Variants in FBXL17 observed in about 807,000 individuals in gnomAD.
FBXL17 encodes the protein F-box/LRR-repeat protein 17.
A neutral mutation model predicts 66.2 loss-of-function variants in FBXL17; 22 were observed. The ratio of observed to expected loss-of-function variants is 0.33; its 90% CI spans 0.24 to 0.47. FBXL17 has a LOEUF of 0.47. FBXL17 is among the 20% of genes least tolerant of loss of function. The probability of loss-of-function intolerance (pLI) is 1.00; values close to 1 mark genes in which losing one functional copy is unlikely to be tolerated. For synonymous variants in FBXL17, 474 were observed against 400.5 expected (o/e 1.18, Z -2.19); for missense variants, 878 against 948.2 (o/e 0.93, Z 0.97).
At chr5:107,887,010 A>G (rs931259624) in intron 7 of FBXL17, among the ~76,000 whole-genome samples, 1 of 152,108 alleles carries the variant, frequency 6.6e-6, no homozygotes, top group African/African-American at 2.4e-5. Context: ...GTTAGATACT[A>G]GAACAGACAA....
At chr5:108,012,686 AG>A (rs1754222209) in intron 7 of FBXL17, among the ~76,000 whole-genome samples, 2 of 152,328 alleles carry the variant, frequency 1.3e-5, no homozygotes, top group South Asian at 4.1e-4. Context: ...GAAGCTATCC[AG>A]GTCTCAGTTT....
In FBXL17 at chr5:108,124,754, A is replaced by G. The variant is rs116417994; in HGVS notation, c.1745+61363T>C. 1.9e-3 allele frequency among the ~76,000 whole-genome samples: 293 copies of G among 152,224 alleles called. 3 individuals carry two copies. Among genetic ancestry groups the G allele is most frequent in the African/African-American group, 6.7e-3 (278 of 41,568 alleles). ...TCTCATCTTTCTAGTCTATGTAGCA[A>G]TGCCAATTTATAGGCATATAAAATT... is the stretch of plus-strand genomic sequence containing the variant. On this transcript the variant is annotated intron_variant, in intron 6 of 8. Transcript: ENST00000542267.
At chr5:108,310,982 C>T (rs1028760083) in intron 4 of FBXL17, among the ~76,000 whole-genome samples, 21 of 152,084 alleles carry the variant, frequency 1.4e-4, no homozygotes, top group Middle Eastern at 3.2e-3. Context: ...AAAACTACAG[C>T]CACTGCCATT....
At position 108,182,617 on chromosome 5, in the gene FBXL17, T is replaced by C. The variant is rs953189017; in HGVS notation, c.1745+3500A>G. On this transcript the variant is annotated intron_variant, in intron 6 of 8. Transcript: ENST00000542267. ...AACTTTTCCATTAAAAACATAAAAA[T>C]ACACTTTCATTTCTTGCAAATAAAT... Among the ~76,000 whole-genome samples, 5 of 152,316 alleles carry C rather than the reference T, an allele frequency of 3.3e-5. No individual in the cohort carries two copies. In the East Asian group the frequency reaches 7.7e-4, roughly 23 times the overall value.
intron 6 of FBXL17, among the ~76,000 whole-genome samples, chr5:108,137,475 T>G (rs1561428404): frequency 1.3e-5 from 2 of 151,964 alleles, no homozygotes; most frequent in Non-Finnish European, 2.9e-5. Flanking sequence ...AACACTGTGT[T>G]TTTGAATGTT....
At chr5:108,070,558 G>A (rs1748289220) in intron 6 of FBXL17, among the ~76,000 whole-genome samples, 1 of 152,080 alleles carries the variant, frequency 6.6e-6, no homozygotes, top group Non-Finnish European at 1.5e-5. Flanking sequence ...TTTTCTTACT[G>A]TTGTTTCCAT....
At chr5:108,361,604 T>C (rs915217073) in intron 3 of FBXL17, among the ~76,000 whole-genome samples, 4 of 152,010 alleles carry the variant, frequency 2.6e-5, no homozygotes, top group Admixed American at 2.6e-4. Context: ...AAAACAAAAA[T>C]AAAAACAAAC....
intron 4 of FBXL17, among the ~76,000 whole-genome samples, chr5:108,269,629 G>A (rs577393228): frequency 6.6e-6 from 1 of 151,762 alleles, no homozygotes; most frequent in Non-Finnish European, 1.5e-5. Context: ...TTAAAATATG[G>A]GTACTGGATC....
chr5:107,919,135 G>GA (rs1332517909), intron 7 of FBXL17, among the ~76,000 whole-genome samples: 2 of 151,896 alleles, frequency 1.3e-5, no homozygotes, highest in African/African-American at 4.8e-5. Context: ...GTCAAAAAAA[G>GA]AAAAAAAATT....
At chr5:108,187,889 T>G (rs34177028) in intron 5 of FBXL17, among the ~76,000 whole-genome samples, 1 of 152,132 alleles carries the variant, frequency 6.6e-6, no homozygotes, top group Non-Finnish European at 1.5e-5. Context: ...CAGTTCAGCT[T>G]AAACTCCAAG....
At chr5:108,245,868 T>C (rs1204024730) in intron 4 of FBXL17, among the ~76,000 whole-genome samples, 1 of 152,190 alleles carries the variant, frequency 6.6e-6, no homozygotes, top group Non-Finnish European at 1.5e-5. Flanking sequence ...AAGGAAGTTT[T>C]GGGGTATTTT....
At chr5:107,948,865 G>A (rs1751400842) in intron 7 of FBXL17, among the ~76,000 whole-genome samples, 1 of 152,214 alleles carries the variant, frequency 6.6e-6, no homozygotes, top group Non-Finnish European at 1.5e-5. Flanking sequence ...CGCTCAATGA[G>A]TGTTAACTAT....
chr5:108,081,881 C>G (rs1359668558), intron 6 of FBXL17, among the ~76,000 whole-genome samples: 2 of 152,190 alleles, frequency 1.3e-5, no homozygotes, highest in Admixed American at 6.5e-5. Context: ...CTTCTACTCT[C>G]TCCGAGTAAA....
chr5:108,058,645 C>T (rs774104572), intron 6 of FBXL17, among the ~76,000 whole-genome samples: 8 of 151,988 alleles, frequency 5.3e-5, no homozygotes, highest in South Asian at 2.1e-4. Context: ...CTGCCACACC[C>T]GGCTAATTTT....
chr5:107,928,420 GTT>G lies in FBXL17; in HGVS notation c.1823-47243_1823-47242del, dbSNP rs5870288. 5.6e-4 allele frequency among the ~76,000 whole-genome samples: 81 copies of G among 145,612 alleles called. 3 individuals carry two copies. Among genetic ancestry groups the G allele is most frequent in the East Asian group, 4.0e-4 (2 of 4,988 alleles). On this transcript the variant is annotated intron_variant, in intron 7 of 8. Transcript: ENST00000542267. ...CAAGAGACAAAAAGCTACATACTTT[GTT>G]TTTTTTTTTAAGTCAGCAAAGATGA... is the stretch of plus-strand genomic sequence containing the variant.
intron 5 of FBXL17, among the ~76,000 whole-genome samples, chr5:108,201,525 A>C (rs1038104276): frequency 6.6e-6 from 1 of 152,168 alleles, no homozygotes; most frequent in Admixed American, 6.6e-5. Context: ...TTTTTAATAA[A>C]TGTTTTAAAT....
chr5:108,297,991 T>C (rs1758418195), intron 4 of FBXL17: 1 of 983,116 alleles, frequency 1.0e-6, no homozygotes, highest in South Asian at 4.7e-5. Context: ...CTGACTGAAT[T>C]CTAAATGTAA....
rs1427725897 is a variant in FBXL17 at position 108,024,715 on chromosome 5, C to A, written c.1746-3714G>T. 3.9e-5 allele frequency among the ~76,000 whole-genome samples: 6 copies of A among 152,252 alleles called. No homozygotes were observed. In the East Asian group the frequency reaches 1.2e-3, roughly 29 times the overall value. On this transcript the variant is annotated intron_variant, in intron 6 of 8. Coordinates refer to ENST00000542267, the MANE Select transcript of FBXL17 (RefSeq NM_001163315.3). Reference sequence around the variant, plus strand: ...AAAACCTGCTCCAAAGTATCCTAAGCATCCAGAGTTATTTTTGATAATAAT... The same window carrying A: ...AAAACCTGCTCCAAAGTATCCTAAGAATCCAGAGTTATTTTTGATAATAAT...
At chr5:108,156,908 T>G (rs1460807923) in intron 6 of FBXL17, among the ~76,000 whole-genome samples, 1 of 151,824 alleles carries the variant, frequency 6.6e-6, no homozygotes, top group Non-Finnish European at 1.5e-5. Context: ...ACAATTAAAT[T>G]AGTGAGGGCC....
Sources: allele counts gnomAD v4.1 joint callset (sites outside exome capture counted in the v4.1 genomes callset), GRCh38; gene constraint gnomAD v4.1.1; transcripts MANE v1.5; gene names NCBI Gene and HGNC (gene_info 2026-07-23, HGNC 2026-07-21).